Variants in MED12L observed in about 807,000 individuals in gnomAD.
The protein encoded by MED12L is mediator complex subunit 12L.
Under a neutral mutation model 281.3 loss-of-function variants are expected in MED12L, and 60 were observed. That is an observed-to-expected ratio of 0.21 (90% CI 0.17 to 0.26). The LOEUF (loss-of-function observed/expected upper bound fraction) is 0.26, where lower values mean the gene tolerates loss of function less well. Among genes scored for constraint, MED12L ranks in the 10% least tolerant of loss-of-function variants. MED12L has a pLI of 1.00. For synonymous variants in MED12L, 974 were observed against 987.2 expected, an observed-to-expected ratio of 0.99 and a Z score of 0.25; for missense variants, 2,146 against 2,680.9, an observed-to-expected ratio of 0.80 and a Z score of 4.41.
At chr3:151,096,306 A>G (rs1190968437) in intron 2 of MED12L, among the ~76,000 whole-genome samples, 2 of 152,186 alleles carry the variant, frequency 1.3e-5, no homozygotes, top group African/African-American at 4.8e-5. Context: ...TCTTATAGCC[A>G]TATAATGTTG....
intron 23 of MED12L, among the ~76,000 whole-genome samples, chr3:151,366,522 A>G (rs1755294233): frequency 6.6e-6 from 1 of 152,204 alleles, no homozygotes; most frequent in Admixed American, 6.5e-5. Flanking sequence ...CCTTGTATAT[A>G]TCACTGACTT....
intron 16 of MED12L, among the ~76,000 whole-genome samples, chr3:151,256,905 TTTGC>T (rs1449509169): frequency 1.3e-5 from 2 of 151,716 alleles, no homozygotes; most frequent in African/African-American, 2.4e-5. Context: ...AGTGTTTGAA[TTTGC>T]TAAATAATCT....
chr3:151,320,160 A>G (rs1343495898), intron 16 of MED12L, among the ~76,000 whole-genome samples: 2 of 152,082 alleles, frequency 1.3e-5, no homozygotes, highest in South Asian at 2.1e-4. Flanking sequence ...GTTTCCTCCC[A>G]GTGTTGGTAG....
At chr3:151,254,019 T>C (rs1737339261) in intron 16 of MED12L, among the ~76,000 whole-genome samples, 1 of 151,572 alleles carries the variant, frequency 6.6e-6, no homozygotes, top group Non-Finnish European at 1.5e-5. Flanking sequence ...TTTGTTAATT[T>C]AAACTTTTAA....
intron 16 of MED12L, 76 bp from the exon 17 acceptor site, chr3:151,349,983 C>A: frequency 7.2e-7 from 1 of 1,396,302 alleles, no homozygotes; most frequent in South Asian, 1.3e-5. Context: ...GTGCTGTGGT[C>A]AGTGCATTTC....
intron 16 of MED12L, chr3:151,338,585 C>A (rs1256460113): frequency 6.2e-7 from 1 of 1,613,954 alleles, no homozygotes; most frequent in Admixed American, 1.7e-5. Flanking sequence ...GTCCTGTTCC[C>A]AGTTTGGCAT....
At chr3:151,191,317 A>ATG (rs1341321986) in intron 14 of MED12L, among the ~76,000 whole-genome samples, 1 of 152,188 alleles carries the variant, frequency 6.6e-6, no homozygotes, top group Non-Finnish European at 1.5e-5. Flanking sequence ...CTTTTCCCTA[A>ATG]TGTATCATTC....
At chr3:151,270,056 G>A in intron 16 of MED12L, 1 of 225,730 alleles carries the variant, frequency 4.4e-6, no homozygotes, top group Non-Finnish European at 8.7e-6. Context: ...ATAAAGAAAG[G>A]GGATAAGGAT....
chr3:151,142,921 C>T (rs989844270), intron 5 of MED12L, among the ~76,000 whole-genome samples: 2 of 151,932 alleles, frequency 1.3e-5, no homozygotes, highest in African/African-American at 4.8e-5. Context: ...GGCTCTAAAG[C>T]CTGATTCAAA....
rs1415657568 is a variant in MED12L at position 151,433,584 on chromosome 3, C to T, written c.*780C>T. ...CATTGTGAAGGTACAACATGTAAAT[C>T]CTAAAGGCCTGAAAGAACTGCAGTG... is the stretch of plus-strand genomic sequence containing the variant. On this transcript the variant is annotated 3_prime_UTR_variant, in exon 45 of 45. Transcript: ENST00000687756. The T allele has an allele frequency of 6.6e-6, 1 of 152,232 alleles. No individual in the cohort carries two copies. The highest frequency in any genetic ancestry group is 1.5e-5 in the Non-Finnish European group (1 of 68,016). 9.4% of individuals were successfully genotyped at this position (152,232 alleles called of 1,614,324 possible).
At chr3:151,100,697 C>A (rs986108177) in intron 2 of MED12L, among the ~76,000 whole-genome samples, 5 of 152,124 alleles carry the variant, frequency 3.3e-5, no homozygotes, top group African/African-American at 1.2e-4. Flanking sequence ...CAGTTTCAGA[C>A]TAAATGTAAA....
chr3:151,286,377 T>A (rs1341744101), intron 16 of MED12L, among the ~76,000 whole-genome samples: 2 of 151,118 alleles, frequency 1.3e-5, no homozygotes, highest in African/African-American at 5.0e-5. Flanking sequence ...TTTAAATTAT[T>A]TATTCCTTCT....
intron 5 of MED12L, among the ~76,000 whole-genome samples, chr3:151,135,981 T>G (rs1246570018): frequency 6.6e-6 from 1 of 152,168 alleles, no homozygotes; most frequent in Non-Finnish European, 1.5e-5. Flanking sequence ...AACAGATAGA[T>G]TCAAAGAAGC....
intron 16 of MED12L, among the ~76,000 whole-genome samples, chr3:151,262,517 G>A (rs1286891636): frequency 6.6e-6 from 1 of 152,206 alleles, no homozygotes; most frequent in African/African-American, 2.4e-5. Context: ...TCAGCCTTTT[G>A]GAGGTCCCTG....
chr3:151,189,867 A>G (rs1364553089), intron 13 of MED12L, among the ~76,000 whole-genome samples: 2 of 152,238 alleles, frequency 1.3e-5, no homozygotes, highest in African/African-American at 4.8e-5. Flanking sequence ...CTAGTTATGA[A>G]TAAAAATAAT....
chr3:151,431,113 AAAG>A (rs1719457869), intron 44 of MED12L, among the ~76,000 whole-genome samples: 1 of 152,216 alleles, frequency 6.6e-6, no homozygotes, highest in South Asian at 2.1e-4. Flanking sequence ...CCTGTGATGC[AAAG>A]AATATTAGCC....
intron 39 of MED12L, among the ~76,000 whole-genome samples, chr3:151,408,364 A>G (rs551058380): frequency 1.3e-5 from 2 of 152,356 alleles, no homozygotes; most frequent in East Asian, 3.9e-4. Flanking sequence ...TTTCAAACAC[A>G]TTAAAATAGC....
chr3:151,215,307 T>C (rs1338068494), intron 16 of MED12L, among the ~76,000 whole-genome samples: 1 of 152,328 alleles, frequency 6.6e-6, no homozygotes, highest in Non-Finnish European at 1.5e-5. Context: ...CCAGTCCAGA[T>C]TGAGATGTTC....
At chr3:151,185,958 A>C (rs972617826) in intron 12 of MED12L, among the ~76,000 whole-genome samples, 1 of 152,206 alleles carries the variant, frequency 6.6e-6, no homozygotes, top group Admixed American at 6.5e-5. Context: ...CACATGTGCA[A>C]TATACATGTG....
Sources: gnomAD v4.1 joint callset for allele counts (sites outside exome capture counted in the v4.1 genomes callset) on GRCh38, gnomAD v4.1.1 for gene constraint, MANE v1.5 for transcripts, NCBI Gene and HGNC (gene_info 2026-07-23, HGNC 2026-07-21) for gene names.